EYA3: variants seen among roughly 807,000 people sequenced by gnomAD.
The protein encoded by EYA3 is EYA transcriptional coactivator and phosphatase 3, also known as protein phosphatase EYA3.
Under a neutral mutation model 80.0 loss-of-function variants are expected in EYA3, and 39 were observed. That is an observed-to-expected ratio of 0.49 (90% confidence interval 0.38 to 0.64). The LOEUF is 0.64. Among genes scored for constraint, EYA3 ranks in the 30% least tolerant of loss-of-function variants. EYA3 has a pLI of 0.00. For synonymous variants in EYA3, 206 were observed against 232.8 expected, an observed-to-expected ratio of 0.88 and a Z score of 1.05; for missense variants, 523 against 676.1, an observed-to-expected ratio of 0.77 and a Z score of 2.51.
chr1:28,017,940 A>C (rs1642181202), intron 7 of EYA3, among the ~76,000 whole-genome samples: 2 of 152,276 alleles, frequency 1.3e-5, no homozygotes, highest in South Asian at 4.1e-4. Flanking sequence ...TCATGCCTGT[A>C]TCCCAGCACT....
At chr1:27,998,880 T>C (rs989052247) in intron 12 of EYA3, among the ~76,000 whole-genome samples, 11 of 152,192 alleles carry the variant, frequency 7.2e-5, no homozygotes, top group African/African-American at 2.4e-4. Context: ...GCAATTCTCC[T>C]GCCTCAGCCT....
At chr1:28,029,551 A>C (rs1642992195) in intron 6 of EYA3, among the ~76,000 whole-genome samples, 2 of 151,942 alleles carry the variant, frequency 1.3e-5, no homozygotes, top group Non-Finnish European at 2.9e-5. Flanking sequence ...GGTTTTGGTG[A>C]TAATTTTGGC....
intron 5 of EYA3, among the ~76,000 whole-genome samples, chr1:28,037,734 G>A (rs147002563): frequency 6.6e-5 from 10 of 152,278 alleles, no homozygotes; most frequent in African/African-American, 2.4e-4. Flanking sequence ...AACTCATTGG[G>A]TTGACTTTTT....
At chr1:28,073,127 A>ATATATATATATTTT (rs1553157671) in intron 1 of EYA3, among the ~76,000 whole-genome samples, 3 of 14,996 alleles carry the variant, frequency 2.0e-4, no homozygotes, top group Non-Finnish European at 3.4e-4. Flanking sequence ...ATATATATAT[A>ATATATATATATTTT]TTTTTTTTTT....
intron 17 of EYA3, among the ~76,000 whole-genome samples, chr1:27,976,222 G>A (rs1638922045): frequency 6.6e-6 from 1 of 152,170 alleles, no homozygotes; most frequent in Non-Finnish European, 1.5e-5. Flanking sequence ...CACTTTGGGA[G>A]TCTGAGGTGG....
At chr1:28,060,841 C>A (rs1644595799) in intron 1 of EYA3, among the ~76,000 whole-genome samples, 1 of 152,136 alleles carries the variant, frequency 6.6e-6, no homozygotes, top group Non-Finnish European at 1.5e-5. Context: ...TGGTGAAACC[C>A]TGTCTCTACT....
At chr1:28,018,287 TAA>T (rs1330518847) in intron 7 of EYA3, among the ~76,000 whole-genome samples, 4 of 152,244 alleles carry the variant, frequency 2.6e-5, no homozygotes, top group Non-Finnish European at 5.9e-5. Flanking sequence ...TAATTTGGGT[TAA>T]GTTTTATACT....
intron 1 of EYA3, among the ~76,000 whole-genome samples, chr1:28,063,555 C>T (rs1185666830): frequency 1.3e-5 from 2 of 151,800 alleles, no homozygotes; most frequent in African/African-American, 4.8e-5. Flanking sequence ...GCCATGTTGG[C>T]CAGGATGGTC....
At chr1:28,046,120 T>C (rs1230021114) in intron 3 of EYA3, among the ~76,000 whole-genome samples, 1 of 152,144 alleles carries the variant, frequency 6.6e-6, no homozygotes, top group African/African-American at 2.4e-5. Context: ...AGAATATTGT[T>C]TAGTGAACAT....
chr1:28,059,437 T>A (rs1437961746), intron 1 of EYA3, among the ~76,000 whole-genome samples: 1 of 152,218 alleles, frequency 6.6e-6, no homozygotes, highest in Admixed American at 6.5e-5. Context: ...GTAAAGCTCA[T>A]AGGAGCTATC....
At chr1:28,054,189 T>C (rs1048215323) in intron 2 of EYA3, among the ~76,000 whole-genome samples, 1 of 152,222 alleles carries the variant, frequency 6.6e-6, no homozygotes, top group Non-Finnish European at 1.5e-5. Context: ...TGACTGTGCT[T>C]ACTAATAGCT....
chr1:28,027,516 T>C (rs1360145646), intron 7 of EYA3, among the ~76,000 whole-genome samples: 1 of 151,994 alleles, frequency 6.6e-6, no homozygotes, highest in Non-Finnish European at 1.5e-5. Context: ...TAGAACAAAA[T>C]CAAGGCGTTT....
intron 1 of EYA3, among the ~76,000 whole-genome samples, chr1:28,087,928 C>T (rs2148972628): frequency 6.6e-6 from 1 of 152,296 alleles, no homozygotes; most frequent in East Asian, 1.9e-4. Flanking sequence ...CAAAACTTCC[C>T]CCAGGCTGGG....
At chr1:28,038,379 TG>T in intron 5 of EYA3, among the ~76,000 whole-genome samples, 1 of 138,856 alleles carries the variant, frequency 7.2e-6, no homozygotes, top group East Asian at 2.1e-4. Context: ...GAGGTTGCAG[TG>T]AGCCAAGATC....
intron 7 of EYA3, among the ~76,000 whole-genome samples, chr1:28,017,811 G>A (rs1484285484): frequency 1.3e-5 from 2 of 152,172 alleles, no homozygotes; most frequent in African/African-American, 2.4e-5. Context: ...AGCATTTAGA[G>A]ACTTTAACAA....
At chr1:28,072,856 A>G (rs892134471) in intron 1 of EYA3, among the ~76,000 whole-genome samples, 6 of 151,948 alleles carry the variant, frequency 3.9e-5, no homozygotes, top group Admixed American at 2.0e-4. Context: ...GCACATGAAT[A>G]AACAAACTGC....
At chr1:27,975,863 G>A (rs188665078) in intron 17 of EYA3, among the ~76,000 whole-genome samples, 32 of 152,266 alleles carry the variant, frequency 2.1e-4, no homozygotes, top group Non-Finnish European at 4.0e-4. Context: ...CTGGGGTGCA[G>A]TGGTGCTATC....
chr1:28,055,734 G>A (rs1465845033), intron 2 of EYA3, among the ~76,000 whole-genome samples: 1 of 152,046 alleles, frequency 6.6e-6, no homozygotes, highest in African/African-American at 2.4e-5. Context: ...ACCACCCAAA[G>A]TGCTGGGATT....
intron 3 of EYA3, among the ~76,000 whole-genome samples, chr1:28,047,795 C>A (rs747547930): frequency 6.6e-6 from 1 of 152,002 alleles, no homozygotes; most frequent in African/African-American, 2.4e-5. Context: ...CCCGCCAACA[C>A]GCCCGGTTAA....
Sources: gnomAD v4.1 joint callset for allele counts (sites outside exome capture counted in the v4.1 genomes callset) on GRCh38, gnomAD v4.1.1 for gene constraint, MANE v1.5 for transcripts, NCBI Gene and HGNC (gene_info 2026-07-23, HGNC 2026-07-21) for gene names.